Variants in AUTS2 observed in about 807,000 individuals in gnomAD.
The protein encoded by AUTS2 is autism susceptibility gene 2 protein.
In AUTS2, 17 loss-of-function variants were observed where a neutral mutation model predicts 112.4. That is an observed-to-expected ratio of 0.15 (90% CI 0.10 to 0.23). The LOEUF is 0.23. Ranked by LOEUF, AUTS2 falls within the 10% of genes least tolerant of loss-of-function variation. The pLI is 1.00. For synonymous variants in AUTS2, 751 were observed against 702.7 expected, an observed-to-expected ratio of 1.07 and a Z score of -1.09; for missense variants, 1,510 against 1,701.6, an observed-to-expected ratio of 0.89 and a Z score of 1.98.
intron 4 of AUTS2, among the ~76,000 whole-genome samples, chr7:70,270,328 G>A (rs1562837191): frequency 6.6e-6 from 1 of 152,158 alleles, no homozygotes. Context: ...TTAGTATTGG[G>A]TTTTGAAGGA....
At chr7:69,969,759 A>C (rs564875932) in intron 2 of AUTS2, among the ~76,000 whole-genome samples, 24 of 152,340 alleles carry the variant, frequency 1.6e-4, no homozygotes, top group Admixed American at 6.5e-4. Context: ...GGACAAAAAA[A>C]GAAATTCCTC....
rs186145254 is a variant in AUTS2 at position 70,579,577 on chromosome 7, A to G, written c.691-118992A>G. On this transcript the variant is annotated intron_variant, in intron 5 of 18. Transcript: ENST00000342771. ...TCCATTCCATCTCCTTCAATGCTGA[A>G]GACATGGGTTTCAAGCCTACCCTGC... 6.2e-4 allele frequency among the ~76,000 whole-genome samples: 94 copies of G among 152,296 alleles called. No homozygotes were observed. The East Asian group carries it at 0.011, about 17-fold the overall frequency.
intron 2 of AUTS2, among the ~76,000 whole-genome samples, chr7:70,087,658 T>C (rs1803682299): frequency 6.6e-6 from 1 of 152,140 alleles, no homozygotes; most frequent in Admixed American, 6.6e-5. Flanking sequence ...TGTGAGTCCC[T>C]GCGCACAGCC....
At chr7:70,579,568 C>T (rs1802342022) in intron 5 of AUTS2, among the ~76,000 whole-genome samples, 1 of 152,152 alleles carries the variant, frequency 6.6e-6, no homozygotes. Context: ...CCATCTCCTT[C>T]AATGCTGAAG....
intron 4 of AUTS2, among the ~76,000 whole-genome samples, chr7:70,338,023 A>T (rs1257957811): frequency 6.6e-6 from 1 of 152,238 alleles, no homozygotes; most frequent in Non-Finnish European, 1.5e-5. Context: ...TATTATGCTT[A>T]TGTTACAGTG....
At chr7:69,901,431 T>G (rs1359409399) in intron 2 of AUTS2, among the ~76,000 whole-genome samples, 1 of 152,224 alleles carries the variant, frequency 6.6e-6, no homozygotes, top group African/African-American at 2.4e-5. Context: ...TTGTATTTCT[T>G]TCTACTTCTT....
At chr7:69,637,510 A>G (rs539280312) in intron 1 of AUTS2, among the ~76,000 whole-genome samples, 6 of 152,342 alleles carry the variant, frequency 3.9e-5, no homozygotes, top group African/African-American at 1.4e-4. Flanking sequence ...TATATCATAT[A>G]GTACAATATA....
intron 4 of AUTS2, among the ~76,000 whole-genome samples, chr7:70,259,048 AT>A (rs1388640569): frequency 2.4e-4 from 36 of 152,242 alleles, no homozygotes; most frequent in Middle Eastern, 3.4e-3. Flanking sequence ...TTGACCTCTG[AT>A]GCCTTTCCTT....
intron 2 of AUTS2, among the ~76,000 whole-genome samples, chr7:69,999,009 A>G (rs551696408): frequency 6.6e-6 from 1 of 152,240 alleles, no homozygotes; most frequent in East Asian, 1.9e-4. Flanking sequence ...GTGCTATGTG[A>G]TATGTTTACT....
chr7:70,515,023 A>C lies in AUTS2; in HGVS notation c.690+79242A>C, dbSNP rs1294621740. On this transcript the variant is annotated intron_variant, in intron 5 of 18. Transcript: ENST00000342771. ...AGCTCTTTATATACTCTGGATACTA[A>C]TTTTTTTTGGTTGTATGTTTTGTAA... Among the ~76,000 whole-genome samples, 20 of 151,718 alleles carry C rather than the reference A, an allele frequency of 1.3e-4. 1 individual carries two copies. Among genetic ancestry groups the C allele is most frequent in the Admixed American group, 1.1e-3 (17 of 15,240 alleles).
At chr7:70,233,364 GT>G (rs1467051861) in intron 4 of AUTS2, among the ~76,000 whole-genome samples, 1 of 152,170 alleles carries the variant, frequency 6.6e-6, no homozygotes, top group East Asian at 1.9e-4. Context: ...GGATATTAGA[GT>G]TGCAATGGTA....
intron 6 of AUTS2, among the ~76,000 whole-genome samples, chr7:70,723,877 A>G (rs371644576): frequency 6.6e-6 from 1 of 151,966 alleles, no homozygotes; most frequent in Admixed American, 6.6e-5. Flanking sequence ...GCAAGTATAC[A>G]TGTAGACTTT....
chr7:70,168,872 A>G (rs143529158), intron 4 of AUTS2, among the ~76,000 whole-genome samples: 60 of 152,330 alleles, frequency 3.9e-4, no homozygotes, highest in African/African-American at 1.3e-3. Flanking sequence ...TTGTGTGGCC[A>G]TAATATTTTT....
At chr7:70,706,391 T>C (rs1259029199) in intron 6 of AUTS2, among the ~76,000 whole-genome samples, 6 of 152,122 alleles carry the variant, frequency 3.9e-5, no homozygotes, top group Admixed American at 3.9e-4. Flanking sequence ...CTGCCATCAA[T>C]GGAGTAGGAA....
chr7:70,130,692 A>G (rs1290389768), intron 3 of AUTS2, among the ~76,000 whole-genome samples: 1 of 152,140 alleles, frequency 6.6e-6, no homozygotes, highest in Non-Finnish European at 1.5e-5. Context: ...TATGAAAAAA[A>G]AAAATCCAGC....
At chr7:70,652,077 A>G (rs997066375) in intron 5 of AUTS2, among the ~76,000 whole-genome samples, 1 of 152,152 alleles carries the variant, frequency 6.6e-6, no homozygotes, top group African/African-American at 2.4e-5. Flanking sequence ...TACTGTGTCT[A>G]TTTGGAAAGC....
chr7:70,054,379 T>C (rs1801898604), intron 2 of AUTS2, among the ~76,000 whole-genome samples: 1 of 152,154 alleles, frequency 6.6e-6, no homozygotes, highest in Non-Finnish European at 1.5e-5. Context: ...GCTTCTTTGC[T>C]TTCCTGTTTT....
rs188356537 is a variant in AUTS2 at position 70,472,051 on chromosome 7, A to G, written c.690+36270A>G. 4.6e-3 allele frequency among the ~76,000 whole-genome samples: 707 copies of G among 152,302 alleles called. 4 individuals carry two copies. The highest frequency in any genetic ancestry group is 9.1e-3 in the South Asian group (44 of 4,824). On this transcript the variant is annotated intron_variant, in intron 5 of 18. Coordinates refer to ENST00000342771, the MANE Select transcript of AUTS2 (RefSeq NM_015570.4). ...CAGTTACTCAAGTGGGCCAGCACAC[A>G]GTGGTGTGTCCTCCCACATGCTCTG...
At chr7:70,069,721 T>C (rs1802666892) in intron 2 of AUTS2, among the ~76,000 whole-genome samples, 1 of 151,426 alleles carries the variant, frequency 6.6e-6, no homozygotes, top group East Asian at 1.9e-4. Flanking sequence ...TTTTTTTTTT[T>C]CCTGTCCAGA....
Sources: gnomAD v4.1 joint callset for allele counts (sites outside exome capture counted in the v4.1 genomes callset) on GRCh38, gnomAD v4.1.1 for gene constraint, MANE v1.5 for transcripts, NCBI Gene and HGNC (gene_info 2026-07-23, HGNC 2026-07-21) for gene names.